Variants in FSIP1 observed in about 807,000 individuals in gnomAD.
FSIP1 encodes fibrous sheath interacting protein 1, also known as fibrous sheath-interacting protein 1.
Under a neutral mutation model 60.9 loss-of-function variants are expected in FSIP1, and 65 were observed. That is an observed-to-expected ratio of 1.07 (90% CI 0.87 to 1.31). The LOEUF is 1.31. FSIP1 is among the 40% of genes most tolerant of loss of function. FSIP1 has a pLI of 0.00. For synonymous variants in FSIP1, 209 were observed against 221.2 expected (o/e 0.94, Z 0.49); for missense variants, 675 against 665.5 (o/e 1.01, Z -0.16).
chr15:39,782,708 C>A lies in FSIP1; in HGVS notation c.-88G>T, dbSNP rs941109511. 1 of 152,576 alleles carries A rather than the reference C, an allele frequency of 6.6e-6. No individual in the cohort carries two copies. The highest frequency in any genetic ancestry group is 2.4e-5 in the African/African-American group (1 of 41,468). 9.5% of individuals were successfully genotyped at this position (152,576 alleles called of 1,614,324 possible). On this transcript the variant is annotated 5_prime_UTR_variant, in exon 1 of 12. Coordinates refer to ENST00000350221, the MANE Select transcript of FSIP1 (RefSeq NM_152597.5). ...CGCAGAAGCGCGCCGCAGACACTCG[C>A]CGCGCCAGCCACTTACCCCCAGAGG... is the stretch of plus-strand genomic sequence containing the variant.
chr15:39,739,560 AT>A, intron 7 of FSIP1, 104 bp downstream of exon 7: 1 of 1,064,856 alleles, frequency 9.4e-7, no homozygotes, highest in Non-Finnish European at 1.4e-6. Context: ...TCATTTATAC[AT>A]TTATGATGGT....
chr15:39,699,734 C>T (rs1293316620), intron 10 of FSIP1, among the ~76,000 whole-genome samples: 1 of 152,172 alleles, frequency 6.6e-6, no homozygotes, highest in Admixed American at 6.5e-5. Flanking sequence ...CTGCAAAATT[C>T]CACACTCCTG....
chr15:39,605,307 A>T (rs1438857789), intron 11 of FSIP1, among the ~76,000 whole-genome samples: 1 of 152,218 alleles, frequency 6.6e-6, no homozygotes, highest in East Asian at 1.9e-4. Flanking sequence ...AAGTCTGGAT[A>T]GGTCCTTGGA....
At chr15:39,713,981 G>A (rs927717765) in intron 9 of FSIP1, among the ~76,000 whole-genome samples, 1 of 152,210 alleles carries the variant, frequency 6.6e-6, no homozygotes, top group South Asian at 2.1e-4. Context: ...AAGCAGCTGT[G>A]TAATAATGGG....
chr15:39,707,753 A>C (rs1184045899), intron 10 of FSIP1, among the ~76,000 whole-genome samples: 3 of 152,178 alleles, frequency 2.0e-5, no homozygotes, highest in Non-Finnish European at 1.5e-5. Flanking sequence ...CAGATTAGTG[A>C]ATTGAAGCAC....
chr15:39,644,357 G>A (rs1892502662), intron 10 of FSIP1, among the ~76,000 whole-genome samples: 1 of 152,150 alleles, frequency 6.6e-6, no homozygotes, highest in East Asian at 1.9e-4. Flanking sequence ...ATTAATGACT[G>A]CAAATGAGAA....
chr15:39,620,123 A>C (rs773768412), intron 10 of FSIP1, among the ~76,000 whole-genome samples: 1 of 152,236 alleles, frequency 6.6e-6, no homozygotes, highest in Non-Finnish European at 1.5e-5. Flanking sequence ...AAAATTAGGC[A>C]AAAGAAACTA....
At chr15:39,731,996 TG>T (rs1229870360) in intron 8 of FSIP1, among the ~76,000 whole-genome samples, 5 of 152,210 alleles carry the variant, frequency 3.3e-5, no homozygotes, top group Non-Finnish European at 7.3e-5. Flanking sequence ...ACAGGTTTCC[TG>T]GAAGAAAATT....
chr15:39,778,781 A>G (rs1566924513), intron 1 of FSIP1, among the ~76,000 whole-genome samples: 2 of 152,254 alleles, frequency 1.3e-5, no homozygotes, highest in Non-Finnish European at 2.9e-5. Context: ...GAGACTGTCC[A>G]GAAATTGATA....
chr15:39,753,574 T>C (rs1897224545), intron 5 of FSIP1, among the ~76,000 whole-genome samples: 1 of 152,142 alleles, frequency 6.6e-6, no homozygotes, highest in South Asian at 2.1e-4. Flanking sequence ...ACTCATTTGG[T>C]ATTTAAATCC....
intron 10 of FSIP1, among the ~76,000 whole-genome samples, chr15:39,644,348 T>G (rs1892501796): frequency 6.6e-6 from 1 of 152,156 alleles, no homozygotes; most frequent in Admixed American, 6.5e-5. Context: ...CCTGAGGTGA[T>G]TAATGACTGC....
chr15:39,753,891 T>C (rs1897234177), intron 5 of FSIP1, among the ~76,000 whole-genome samples: 1 of 152,030 alleles, frequency 6.6e-6, no homozygotes, highest in African/African-American at 2.4e-5. Flanking sequence ...TAACCCTTTA[T>C]AAATATGATG....
At chr15:39,686,316 T>A (rs941436490) in intron 10 of FSIP1, among the ~76,000 whole-genome samples, 5 of 152,178 alleles carry the variant, frequency 3.3e-5, no homozygotes, top group African/African-American at 9.7e-5. Flanking sequence ...CAAACCCAGG[T>A]GCCTCACTTT....
At chr15:39,669,284 A>G (rs943659039) in intron 10 of FSIP1, among the ~76,000 whole-genome samples, 1 of 152,218 alleles carries the variant, frequency 6.6e-6, no homozygotes, top group African/African-American at 2.4e-5. Flanking sequence ...TGCATTCACA[A>G]GGCTTGCCAG....
At chr15:39,604,160 A>G (rs1430418185) in intron 11 of FSIP1, among the ~76,000 whole-genome samples, 6 of 152,164 alleles carry the variant, frequency 3.9e-5, no homozygotes, top group Admixed American at 6.5e-5. Context: ...CAAACTCCCA[A>G]CCTCTGGTGA....
At chr15:39,701,787 A>G (rs1222649332) in intron 10 of FSIP1, among the ~76,000 whole-genome samples, 1 of 152,202 alleles carries the variant, frequency 6.6e-6, no homozygotes, top group East Asian at 1.9e-4. Context: ...TGTTTTTTCA[A>G]TTAATGATTG....
In FSIP1 at chr15:39,744,528, C is replaced by G. The variant is rs115711326; in HGVS notation, c.560-2628G>C. 5.1e-3 allele frequency among the ~76,000 whole-genome samples: 777 copies of G among 152,226 alleles called. 8 individuals are homozygous for G. Among genetic ancestry groups the G allele is most frequent in the African/African-American group, 0.018 (754 of 41,546 alleles). Reference sequence around the variant, plus strand: ...ATTAAGCTGCTCCCCGGCACAGCCCCTGGAGGTGAAATCCTGGAGGTGCAT... The same window carrying G: ...ATTAAGCTGCTCCCCGGCACAGCCCGTGGAGGTGAAATCCTGGAGGTGCAT... On this transcript the variant is annotated intron_variant, in intron 5 of 11. Coordinates refer to ENST00000350221, the MANE Select transcript of FSIP1 (RefSeq NM_152597.5).
At chr15:39,679,137 A>G (rs1328659878) in intron 10 of FSIP1, among the ~76,000 whole-genome samples, 1 of 152,216 alleles carries the variant, frequency 6.6e-6, no homozygotes, top group African/African-American at 2.4e-5. Context: ...TTTGCCTTTT[A>G]TGAATTCTTA....
intron 5 of FSIP1, among the ~76,000 whole-genome samples, chr15:39,762,261 T>G (rs1897526400): frequency 6.6e-6 from 1 of 152,222 alleles, no homozygotes; most frequent in Admixed American, 6.5e-5. Flanking sequence ...AATCAAGGTG[T>G]CAGCAGAGCA....
Sources: gnomAD v4.1 joint callset for allele counts (sites outside exome capture counted in the v4.1 genomes callset) on GRCh38, gnomAD v4.1.1 for gene constraint, MANE v1.5 for transcripts, NCBI Gene and HGNC (gene_info 2026-07-23, HGNC 2026-07-21) for gene names.